DPP3: variants seen among roughly 807,000 people sequenced by gnomAD.
DPP3 encodes the protein DPP III.
Under a neutral mutation model 89.8 loss-of-function variants are expected in DPP3, and 64 were observed. That is an observed-to-expected ratio of 0.71 (90% confidence interval 0.58 to 0.88). The LOEUF (loss-of-function observed/expected upper bound fraction) is 0.88, where lower values mean the gene tolerates loss of function less well. Among genes scored for constraint, DPP3 ranks in the 40% least tolerant of loss-of-function variants. The pLI is 0.00. For synonymous variants in DPP3, 377 were observed against 404.3 expected, an observed-to-expected ratio of 0.93 and a Z score of 0.81; for missense variants, 835 against 972.5, an observed-to-expected ratio of 0.86 and a Z score of 1.88.
At chr11:66,501,601 G>A (rs1317265998) in intron 16 of DPP3, among the ~76,000 whole-genome samples, 3 of 151,816 alleles carry the variant, frequency 2.0e-5, no homozygotes, top group Non-Finnish European at 2.9e-5. Flanking sequence ...GAGGCGGGAG[G>A]ATCACCTGAG....
chr11:66,480,491 G>A (rs1855042557), intron 1 of DPP3, 26 bp downstream of exon 1: 1 of 1,475,948 alleles, frequency 6.8e-7, no homozygotes. Flanking sequence ...TGGGCTTTTG[G>A]GGTCAAAGCG....
chr11:66,499,278 T>A (rs1855621672), intron 16 of DPP3, among the ~76,000 whole-genome samples: 1 of 149,658 alleles, frequency 6.7e-6, no homozygotes, highest in South Asian at 2.1e-4. Flanking sequence ...CAGGAGAATC[T>A]CTTTAAACCT....
At chr11:66,497,153 T>G in intron 15 of DPP3, 145 bp from the exon 16 acceptor site, 1 of 989,024 alleles carries the variant, frequency 1.0e-6, no homozygotes, top group Non-Finnish European at 1.5e-6. Flanking sequence ...CCCGCAGGGT[T>G]GGGGAGAATG....
chr11:66,491,454 G>A, intron 7 of DPP3, 40 bp from the exon 8 acceptor site: 3 of 1,597,532 alleles, frequency 1.9e-6, no homozygotes, highest in South Asian at 1.1e-5. Context: ...TGTGGAGGTG[G>A]GTGGGTGGCC....
At position 66,502,898 on chromosome 11, in the gene DPP3, C is replaced by T. The variant is rs573828773; in HGVS notation, c.1879-1714C>T. Reference sequence around the variant, plus strand: ...ACAGGCATGAGCCACCCGCCCGGCCCGAGTGTTTGTTTTAATATTCTTTAC... The same window carrying T: ...ACAGGCATGAGCCACCCGCCCGGCCTGAGTGTTTGTTTTAATATTCTTTAC... On this transcript the variant is annotated intron_variant, in intron 16 of 17. Transcript: ENST00000531863. 2.6e-5 allele frequency among the ~76,000 whole-genome samples: 4 copies of T among 152,058 alleles called. No individual in the cohort carries two copies. The East Asian group carries it at 5.8e-4, about 22-fold the overall frequency.
chr11:66,483,813 G>A (rs1855152273), intron 2 of DPP3, among the ~76,000 whole-genome samples: 1 of 152,020 alleles, frequency 6.6e-6, no homozygotes, highest in South Asian at 2.1e-4. Flanking sequence ...TAAAGGGATT[G>A]GATTGTTTCT....
At chr11:66,508,429 A>G (rs914225610) in intron 17 of DPP3, among the ~76,000 whole-genome samples, 11 of 152,214 alleles carry the variant, frequency 7.2e-5, no homozygotes. Flanking sequence ...GTCCCACAGT[A>G]GACAGATGAA....
chr11:66,483,019 C>CTTTTTTTTTTTTTTTTTTTT (rs201088116), intron 2 of DPP3: 4 of 139,818 alleles, frequency 2.9e-5, no homozygotes, highest in South Asian at 2.2e-4. Flanking sequence ...CTTTCTCTCT[C>CTTTTTTTTTTTTTTTTTTTT]TTTTTTATTT....
At chr11:66,487,873 C>A (rs1318845370) in intron 5 of DPP3, 41 bp from the exon 6 acceptor site, 2 of 1,597,428 alleles carry the variant, frequency 1.3e-6, no homozygotes, top group African/African-American at 2.7e-5. Context: ...CCACTGCCCT[C>A]TCCAGACTTC....
At chr11:66,494,790 G>A (rs1237337040) in intron 12 of DPP3, among the ~76,000 whole-genome samples, 1 of 152,208 alleles carries the variant, frequency 6.6e-6, no homozygotes, top group African/African-American at 2.4e-5. Flanking sequence ...GCATGCAGTG[G>A]GAGGGTGAGA....
intron 6 of DPP3, among the ~76,000 whole-genome samples, chr11:66,490,760 T>C (rs1855357585): frequency 7.0e-6 from 1 of 143,270 alleles, no homozygotes; most frequent in African/African-American, 2.5e-5. Flanking sequence ...TTTGTTTTGT[T>C]TTTTTTGTTT....
At position 66,504,637 on chromosome 11, in the gene DPP3, C is replaced by T. The variant is rs764423422; in HGVS notation, c.1904C>T (p.Ala635Val). ...GTGCTGAAGTCCACAGGGGATGTGGCCGGAGGGCGGGCCCTGTACGAGGGG... is the reference window on the plus strand; with the variant it reads ...GTGCTGAAGTCCACAGGGGATGTGGTCGGAGGGCGGGCCCTGTACGAGGGG... Reference protein sequence around the residue: ...LQVLKSTGDVAGGRALYEGYA... With the variant: ...LQVLKSTGDVVGGRALYEGYA... The change falls in exon 17 of 18, where the codon GCC becomes GTC. Residue 635 changes from alanine (A) to valine (V), a missense_variant. Coordinates refer to ENST00000531863, the MANE Select transcript of DPP3 (RefSeq NM_130443.4). 11 of 1,611,572 alleles carry T rather than the reference C, an allele frequency of 6.8e-6. No homozygotes were observed. Among genetic ancestry groups the T allele is most frequent in the Non-Finnish European group, 9.3e-6 (11 of 1,179,018 alleles).
At chr11:66,502,571 G>T (rs1459771280) in intron 16 of DPP3, among the ~76,000 whole-genome samples, 1 of 152,104 alleles carries the variant, frequency 6.6e-6, no homozygotes, top group Admixed American at 6.5e-5. Context: ...CCAGGTTCAT[G>T]CCATTCTCGT....
At chr11:66,503,752 T>C (rs973097347) in intron 16 of DPP3, among the ~76,000 whole-genome samples, 9 of 152,120 alleles carry the variant, frequency 5.9e-5, no homozygotes, top group African/African-American at 1.9e-4. Flanking sequence ...CCGGGCGTGG[T>C]GGCACGCACC....
intron 1 of DPP3, chr11:66,480,817 G>A (rs1855056529): frequency 8.4e-6 from 2 of 237,532 alleles, no homozygotes; most frequent in Non-Finnish European, 1.6e-5. Flanking sequence ...CCCTTTCCAA[G>A]CCTCAGTTTC....
chr11:66,488,565 G>GAAAA (rs1040646975), intron 6 of DPP3, among the ~76,000 whole-genome samples: 1 of 104,414 alleles, frequency 9.6e-6, no homozygotes. Context: ...CCAGATCAAG[G>GAAAA]AAAAAAAAAA....
intron 9 of DPP3, chr11:66,492,378 C>G: frequency 4.2e-6 from 1 of 240,040 alleles, no homozygotes. Context: ...CCTCCCCAGC[C>G]CCTGGATTTA....
At position 66,482,144 on chromosome 11, in the gene DPP3, C is replaced by T. The variant is rs201240945; in HGVS notation, c.-8-49C>T. The T allele has an allele frequency of 1.6e-5, 26 of 1,598,792 alleles. No individual in the cohort carries two copies. In the South Asian group the frequency reaches 2.2e-4, roughly 14 times the overall value. Reference sequence around the variant, plus strand: ...TCATAAGAGTTCAGAGCCAGGTATGCAATTGGTATGGGGTAAACAACAGCT... The same window carrying T: ...TCATAAGAGTTCAGAGCCAGGTATGTAATTGGTATGGGGTAAACAACAGCT... On this transcript the variant is annotated intron_variant, in intron 1 of 17. Coordinates refer to ENST00000531863, the MANE Select transcript of DPP3 (RefSeq NM_130443.4).
chr11:66,491,205 G>C, intron 6 of DPP3, 48 bp from the exon 7 acceptor site: 1 of 1,609,264 alleles, frequency 6.2e-7, no homozygotes, highest in Non-Finnish European at 8.5e-7. Context: ...CTCTGAGTGA[G>C]GCCTCTTACT....
Sources: gnomAD v4.1 joint callset for allele counts (sites outside exome capture counted in the v4.1 genomes callset) on GRCh38, gnomAD v4.1.1 for gene constraint, MANE v1.5 for transcripts, NCBI Gene and HGNC (gene_info 2026-07-23, HGNC 2026-07-21) for gene names.